PRKCE: variants seen among roughly 807,000 people sequenced by gnomAD.
PRKCE encodes protein kinase C epsilon, also known as protein kinase C epsilon type.
PRKCE carries 16 observed loss-of-function variants against 85.4 expected under a neutral mutation model. The observed-to-expected ratio is 0.19, with a 90% CI of 0.13 to 0.28. The LOEUF (loss-of-function observed/expected upper bound fraction) is 0.28, where lower values mean the gene tolerates loss of function less well. Ranked by LOEUF, PRKCE falls within the 10% of genes least tolerant of loss-of-function variation. PRKCE has a pLI of 1.00. For synonymous variants in PRKCE, 388 were observed against 371.5 expected, an observed-to-expected ratio of 1.04 and a Z score of -0.51; for missense variants, 573 against 975.2, an observed-to-expected ratio of 0.59 and a Z score of 5.49.
At chr2:46,005,135 G>A (rs762328029) in intron 8 of PRKCE, among the ~76,000 whole-genome samples, 18 of 152,204 alleles carry the variant, frequency 1.2e-4, no homozygotes, top group South Asian at 2.1e-4. Flanking sequence ...AGGATAGAAA[G>A]ATGAAGCTAG....
intron 11 of PRKCE, among the ~76,000 whole-genome samples, chr2:46,098,918 GGC>G (rs1670952555): frequency 2.0e-5 from 3 of 152,104 alleles, no homozygotes; most frequent in Non-Finnish European, 4.4e-5. Flanking sequence ...AGATGACTCA[GGC>G]TGGAGGTGGG....
At chr2:46,120,586 G>T (rs905497674) in intron 11 of PRKCE, among the ~76,000 whole-genome samples, 4 of 152,172 alleles carry the variant, frequency 2.6e-5, no homozygotes, top group Non-Finnish European at 5.9e-5. Flanking sequence ...TGTTTAGGTA[G>T]AGTACAGCCA....
chr2:45,954,293 G>T (rs1325685567), intron 2 of PRKCE, among the ~76,000 whole-genome samples: 1 of 152,208 alleles, frequency 6.6e-6, no homozygotes, highest in Non-Finnish European at 1.5e-5. Flanking sequence ...CTAAATATTG[G>T]AGTCAAAAGA....
chr2:45,787,861 G>A (rs2105063267), intron 1 of PRKCE, among the ~76,000 whole-genome samples: 1 of 152,310 alleles, frequency 6.6e-6, no homozygotes, highest in Non-Finnish European at 1.5e-5. Flanking sequence ...TGGAGATCCT[G>A]TGCAGGGGAG....
chr2:45,803,515 G>A (rs758913633), intron 1 of PRKCE, among the ~76,000 whole-genome samples: 7 of 152,176 alleles, frequency 4.6e-5, no homozygotes, highest in Admixed American at 2.6e-4. Context: ...AGAGACAGTG[G>A]GAAGGGTTTG....
chr2:46,001,517 A>G lies in PRKCE; in HGVS notation c.937A>G (p.Ile313Val). The change falls in exon 7 of 15, where the codon ATC (isoleucine) becomes GTC (valine). Residue 313 changes from isoleucine to valine, a missense_variant. By Grantham distance (29) the Ile-to-Val change is conservative (BLOSUM62 3). This residue lies in a region of PRKCE where 55 missense variants were observed against 128.1 expected (regional missense o/e 0.43). Transcript: ENST00000306156. This position sits in a 1 kb window ranked among gnomAD's most constrained non-coding sequence, Gnocchi z 4.4. ...LADLGVTPDK[I>V]TNSGQRRKKL... The stretch of plus-strand genomic sequence containing the variant: ...CGACCTGGGCGTTACCCCAGACAAA[A>G]TCACCAACAGCGGCCAGAGAAGGAA... 1 of 1,599,030 alleles carries G rather than the reference A, an allele frequency of 6.3e-7. No individual in the cohort carries two copies. The highest frequency in any genetic ancestry group is 1.1e-5 in the South Asian group (1 of 91,010).
At chr2:45,681,220 C>A (rs1676866694) in intron 1 of PRKCE, among the ~76,000 whole-genome samples, 1 of 125,516 alleles carries the variant, frequency 8.0e-6, no homozygotes, top group Non-Finnish European at 1.6e-5. Context: ...ACCCAGGAGG[C>A]AGAGGTTGCA....
intron 2 of PRKCE, among the ~76,000 whole-genome samples, chr2:45,874,915 G>A (rs533069326): frequency 5.9e-5 from 9 of 152,168 alleles, no homozygotes; most frequent in African/African-American, 1.7e-4. Flanking sequence ...TATAGCTTAC[G>A]TCTATTTGGC....
intron 11 of PRKCE, among the ~76,000 whole-genome samples, chr2:46,116,511 A>G (rs1216761703): frequency 3.3e-5 from 5 of 152,224 alleles, no homozygotes. Context: ...CTTTGAATCA[A>G]TGAGGAAATC....
intron 11 of PRKCE, among the ~76,000 whole-genome samples, chr2:46,112,671 C>A (rs1210972642): frequency 6.6e-6 from 1 of 152,012 alleles, no homozygotes; most frequent in African/African-American, 2.4e-5. Flanking sequence ...AGGCACGTGC[C>A]ACCATGCCTG....
intron 2 of PRKCE, among the ~76,000 whole-genome samples, chr2:45,884,502 G>C (rs1695100327): frequency 6.6e-6 from 1 of 152,124 alleles, no homozygotes; most frequent in African/African-American, 2.4e-5. Context: ...TTTCTACGGA[G>C]GTAAAATGGG....
chr2:46,031,632 G>GTGTGTGTGTT (rs1374517995), intron 10 of PRKCE, among the ~76,000 whole-genome samples: 2 of 129,914 alleles, frequency 1.5e-5, no homozygotes, highest in Admixed American at 7.8e-5. Context: ...GTGTGTGTGT[G>GTGTGTGTGTT]TGTAGAAAAA....
chr2:46,036,050 A>G (rs1462469877), intron 10 of PRKCE, among the ~76,000 whole-genome samples: 1 of 152,220 alleles, frequency 6.6e-6, no homozygotes, highest in Non-Finnish European at 1.5e-5. Context: ...TTACAGTAAC[A>G]TTTAAGCAGA....
chr2:45,859,649 G>A (rs559132164), intron 2 of PRKCE, among the ~76,000 whole-genome samples: 1 of 152,032 alleles, frequency 6.6e-6, no homozygotes, highest in Admixed American at 6.6e-5. Flanking sequence ...TGTTGTTTTT[G>A]TCTATTTCTT....
intron 1 of PRKCE, among the ~76,000 whole-genome samples, chr2:45,713,372 T>C (rs1291926511): frequency 6.6e-6 from 1 of 152,148 alleles, no homozygotes; most frequent in African/African-American, 2.4e-5. Context: ...TGCCTGATGG[T>C]AATGGATAGC....
rs181059873 is a variant in PRKCE, at chr2:45,673,568, C to T, written c.348+21120C>T. Reference sequence around the variant, plus strand: ...AATACGACATATTTAGGGCTGCTGGCCAAGAGAAACTAACATGGTGAGGAG... The same window carrying T: ...AATACGACATATTTAGGGCTGCTGGTCAAGAGAAACTAACATGGTGAGGAG... On this transcript the variant is annotated intron_variant, in intron 1 of 14. Transcript: ENST00000306156. 1.2e-4 allele frequency among the ~76,000 whole-genome samples: 19 copies of T among 152,208 alleles called. No homozygotes were observed. In the East Asian group the frequency reaches 3.7e-3, roughly 29 times the overall value.
intron 10 of PRKCE, among the ~76,000 whole-genome samples, chr2:46,044,704 G>T (rs942688760): frequency 1.3e-5 from 2 of 152,134 alleles, no homozygotes; most frequent in South Asian, 4.1e-4. Flanking sequence ...CACCACACAC[G>T]AAGCTTTAAT....
intron 1 of PRKCE, among the ~76,000 whole-genome samples, chr2:45,666,366 C>T (rs1293915403): frequency 6.6e-6 from 1 of 151,910 alleles, no homozygotes; most frequent in Non-Finnish European, 1.5e-5. Context: ...CCTGCCAGCC[C>T]CAGTTGCCTA....
At chr2:45,716,536 A>AAAGAAAAAGAAAGAAAGG (rs566485629) in intron 1 of PRKCE, among the ~76,000 whole-genome samples, 1 of 151,224 alleles carries the variant, frequency 6.6e-6, no homozygotes, top group Non-Finnish European at 1.5e-5. Flanking sequence ...AAAAAGAAAG[A>AAAGAAAAAGAAAGAAAGG]AAGAAAAAGA....
Sources: gnomAD v4.1 joint callset for allele counts (sites outside exome capture counted in the v4.1 genomes callset) on GRCh38, gnomAD v4.1.1 for gene constraint, gnomAD v4.1.1 regional missense constraint, Gnocchi (gnomAD v3.1) non-coding constraint, MANE v1.5 for transcripts, NCBI Gene and HGNC (gene_info 2026-07-23, HGNC 2026-07-21) for gene names.